SBF2: variants seen among roughly 807,000 people sequenced by gnomAD.
The protein encoded by SBF2 is myotubularin-related protein 13.
Under a neutral mutation model 225.2 loss-of-function variants are expected in SBF2, and 112 were observed. That is an observed-to-expected ratio of 0.50 (90% CI 0.43 to 0.58). SBF2 has a LOEUF of 0.58. Ranked by LOEUF, SBF2 falls within the 20% of genes least tolerant of loss-of-function variation. The pLI is 0.00. For missense variants in SBF2, 1,996 were observed against 2,206.2 expected (o/e 0.90, Z 1.91); for synonymous variants, 763 against 773.3 (o/e 0.99, Z 0.22).
At chr11:10,200,362 C>A (rs1957527343) in intron 1 of SBF2, among the ~76,000 whole-genome samples, 1 of 152,118 alleles carries the variant, frequency 6.6e-6, no homozygotes, top group Non-Finnish European at 1.5e-5. Context: ...CCAACCTGAA[C>A]ATAATAGTTG....
intron 2 of SBF2, among the ~76,000 whole-genome samples, chr11:10,157,767 C>T (rs923926392): frequency 6.6e-6 from 1 of 152,108 alleles, no homozygotes; most frequent in Non-Finnish European, 1.5e-5. Context: ...GCCCACAGTC[C>T]ATGAAAAAAC....
rs535792659 is a variant in SBF2, at chr11:9,852,809, TC to T, written c.2537-61del. 410 of 1,262,114 alleles carry T rather than the reference TC, an allele frequency of 3.2e-4. 3 individuals carry two copies. Among genetic ancestry groups the T allele is most frequent in the South Asian group, 2.6e-3 (219 of 83,886 alleles). 78.2% of individuals were successfully genotyped at this position (1,262,114 alleles called of 1,614,324 possible). A position where few individuals can be genotyped will look rare whatever the true frequency, so the allele number is the denominator to read the frequency against. On this transcript the variant is annotated intron_variant, in intron 20 of 39. Coordinates refer to ENST00000256190, the MANE Select transcript of SBF2 (RefSeq NM_030962.4). ...ACAGACAAGCAGGATAAAAACAAAT[TC>T]TGGATATTTTAGAATTAAAAGTTAA...
chr11:9,799,208 G>C (rs1315990612), intron 32 of SBF2, among the ~76,000 whole-genome samples: 1 of 152,166 alleles, frequency 6.6e-6, no homozygotes, highest in Admixed American at 6.5e-5. Flanking sequence ...GATTAAAAGT[G>C]AAACGTCTTT....
intron 16 of SBF2, among the ~76,000 whole-genome samples, chr11:9,928,134 T>C (rs977683489): frequency 3.9e-5 from 6 of 152,134 alleles, no homozygotes; most frequent in African/African-American, 7.2e-5. Context: ...AATAAAAAGC[T>C]TCTGATCTTT....
At chr11:10,280,548 C>A (rs1184789975) in intron 1 of SBF2, among the ~76,000 whole-genome samples, 2 of 152,134 alleles carry the variant, frequency 1.3e-5, no homozygotes, top group Non-Finnish European at 2.9e-5. Flanking sequence ...AAAAAATAGT[C>A]TTTTTACCCT....
At chr11:9,877,461 C>A (rs757200683) in intron 17 of SBF2, among the ~76,000 whole-genome samples, 1 of 152,016 alleles carries the variant, frequency 6.6e-6, no homozygotes, top group African/African-American at 2.4e-5. Context: ...GTTTGTTACC[C>A]AGGTATACAT....
At chr11:10,248,262 T>C (rs1179818922) in intron 1 of SBF2, among the ~76,000 whole-genome samples, 1 of 152,208 alleles carries the variant, frequency 6.6e-6, no homozygotes, top group Non-Finnish European at 1.5e-5. Flanking sequence ...AAGAGGGATG[T>C]TTAGGACAAG....
rs764627669 is a variant in SBF2, at chr11:9,784,462, G to A, written c.5232-24C>T. The A allele has an allele frequency of 2.6e-5, 41 of 1,561,116 alleles. 1 individual carries two copies. The South Asian group carries it at 4.1e-4, about 16-fold the overall frequency. ...ACCTAGAAGAAATGATGACAGGAGAGTTAATTTTGATTTACACTTACAAAA... is the reference window on the plus strand; with the variant it reads ...ACCTAGAAGAAATGATGACAGGAGAATTAATTTTGATTTACACTTACAAAA... On this transcript the variant is annotated intron_variant, in intron 37 of 39. Coordinates refer to ENST00000256190, the MANE Select transcript of SBF2 (RefSeq NM_030962.4).
At chr11:10,053,006 CATGT>C (rs1312424362) in intron 2 of SBF2, among the ~76,000 whole-genome samples, 2 of 151,900 alleles carry the variant, frequency 1.3e-5, no homozygotes, top group African/African-American at 2.4e-5. Flanking sequence ...TGAAGGTATG[CATGT>C]ATGTATGTAT....
intron 2 of SBF2, among the ~76,000 whole-genome samples, chr11:10,105,418 A>G (rs972504791): frequency 3.3e-5 from 5 of 152,248 alleles, no homozygotes; most frequent in African/African-American, 1.2e-4. Flanking sequence ...CAAGGAATTT[A>G]TATCTCCAAT....
chr11:10,251,834 G>A (rs1225579093), intron 1 of SBF2, among the ~76,000 whole-genome samples: 1 of 152,176 alleles, frequency 6.6e-6, no homozygotes, highest in Non-Finnish European at 1.5e-5. Context: ...ATGATGTGCA[G>A]AGACCAGAAA....
At chr11:10,090,355 C>T (rs952710449) in intron 2 of SBF2, among the ~76,000 whole-genome samples, 1 of 152,186 alleles carries the variant, frequency 6.6e-6, no homozygotes, top group Non-Finnish European at 1.5e-5. Context: ...TATTTTAACA[C>T]AGTTATATAA....
intron 1 of SBF2, among the ~76,000 whole-genome samples, chr11:10,238,564 A>C (rs1308880298): frequency 1.5e-5 from 2 of 136,644 alleles, no homozygotes; most frequent in African/African-American, 5.0e-5. Context: ...ACCTAATGGT[A>C]TAACCTTGAA....
intron 2 of SBF2, among the ~76,000 whole-genome samples, chr11:10,193,323 T>C (rs967196726): frequency 1.3e-5 from 2 of 151,872 alleles, no homozygotes; most frequent in African/African-American, 2.4e-5. Flanking sequence ...TTTTCTGCTT[T>C]TGAGTATATG....
At chr11:10,202,026 A>C (rs1023963772) in intron 1 of SBF2, among the ~76,000 whole-genome samples, 1 of 152,240 alleles carries the variant, frequency 6.6e-6, no homozygotes, top group African/African-American at 2.4e-5. Flanking sequence ...GAGAATGTCA[A>C]GATTAAGAAA....
At chr11:9,812,280 T>G (rs1854231183) in intron 30 of SBF2, among the ~76,000 whole-genome samples, 1 of 152,174 alleles carries the variant, frequency 6.6e-6, no homozygotes, top group Non-Finnish European at 1.5e-5. Context: ...AATTTTCTCC[T>G]TAGTGTCCTA....
intron 13 of SBF2, among the ~76,000 whole-genome samples, chr11:9,981,217 A>G (rs1337657626): frequency 6.6e-6 from 1 of 152,130 alleles, no homozygotes; most frequent in Non-Finnish European, 1.5e-5. Context: ...CTTCTTCACT[A>G]TTTCCTTAAA....
intron 2 of SBF2, among the ~76,000 whole-genome samples, chr11:10,089,224 G>A (rs563895686): frequency 1.3e-5 from 2 of 152,254 alleles, no homozygotes; most frequent in South Asian, 4.2e-4. Context: ...AGTCTCCAAT[G>A]TCTATGAGTC....
intron 1 of SBF2, among the ~76,000 whole-genome samples, chr11:10,232,527 T>C (rs1009769796): frequency 6.6e-6 from 1 of 151,946 alleles, no homozygotes; most frequent in African/African-American, 2.4e-5. Context: ...ATGAAAGTAG[T>C]AGGGTTTCTT....
Sources: gnomAD v4.1 joint callset for allele counts (sites outside exome capture counted in the v4.1 genomes callset) on GRCh38, gnomAD v4.1.1 for gene constraint, MANE v1.5 for transcripts, NCBI Gene and HGNC (gene_info 2026-07-23, HGNC 2026-07-21) for gene names.